The following HERC1 variants were observed in gnomAD, a reference collection of about 807,000 sequenced individuals.
The protein encoded by HERC1 is HECT and RLD domain containing E3 ubiquitin protein ligase family member 1.
In HERC1, 160 loss-of-function variants were observed where a neutral mutation model predicts 554.3. The ratio of observed to expected loss-of-function variants is 0.29; its 90% CI spans 0.25 to 0.33. The LOEUF is 0.33. HERC1 is among the 10% of genes least tolerant of loss of function. The pLI is 1.00. For synonymous variants in HERC1, 2,175 were observed against 2,131.7 expected (o/e 1.02, Z -0.56); for missense variants, 4,919 against 5,918.5 (o/e 0.83, Z 5.54).
chr15:63,668,938 A>G (rs2070771849), intron 40 of HERC1, among the ~76,000 whole-genome samples: 1 of 152,234 alleles, frequency 6.6e-6, no homozygotes, highest in Non-Finnish European at 1.5e-5. Flanking sequence ...TAAACAATTT[A>G]TAGAACACTC....
In HERC1 at chr15:63,615,928, C is replaced by A; in HGVS notation, c.13942-8G>T. On this transcript the variant is annotated splice_region_variant and splice_polypyrimidine_tract_variant and intron_variant, in intron 75 of 77. Coordinates refer to ENST00000443617, the MANE Select transcript of HERC1 (RefSeq NM_003922.4). ...AGAATCAAGAGGAATCATCTAGGAA[C>A]AGAAGAAAACAGAATTTTTATTACA... 2.6e-6 allele frequency: 4 copies of A among 1,567,034 alleles called. No individual in the cohort carries two copies. The highest frequency in any genetic ancestry group is 3.4e-6 in the Non-Finnish European group (4 of 1,160,958).
intron 70 of HERC1, among the ~76,000 whole-genome samples, chr15:63,627,966 G>A (rs1211674562): frequency 6.6e-6 from 1 of 152,240 alleles, no homozygotes; most frequent in African/African-American, 2.4e-5. Flanking sequence ...GTTGACTGCT[G>A]TGCCAATGCA....
chr15:63,733,714 T>C (rs896806959), intron 13 of HERC1, among the ~76,000 whole-genome samples: 1 of 151,956 alleles, frequency 6.6e-6, no homozygotes, highest in Non-Finnish European at 1.5e-5. Context: ...TAGCTGAGCA[T>C]GGTGGTGCAT....
intron 69 of HERC1, among the ~76,000 whole-genome samples, chr15:63,629,453 A>T (rs2068450957): frequency 6.6e-6 from 1 of 152,228 alleles, no homozygotes; most frequent in Non-Finnish European, 1.5e-5. Context: ...GCTTTTACTT[A>T]AAACACACTG....
intron 44 of HERC1, among the ~76,000 whole-genome samples, chr15:63,662,484 A>G (rs1159514210): frequency 6.6e-6 from 1 of 152,230 alleles, no homozygotes; most frequent in Non-Finnish European, 1.5e-5. Flanking sequence ...TACTACAAAA[A>G]TGTAATGCTA....
chr15:63,791,012 T>C lies in HERC1; in HGVS notation c.-26-15363A>G, dbSNP rs151255311. 7.4e-3 allele frequency among the ~76,000 whole-genome samples: 1,122 copies of C among 152,302 alleles called. 14 individuals are homozygous for C. Among genetic ancestry groups the C allele is most frequent in the African/African-American group, 0.026 (1,080 of 41,552 alleles). The stretch of plus-strand genomic sequence containing the variant: ...ACAACAAAAAATCCTAAAAAAGTTT[T>C]TCAAAGGGTTGACTGTATCTATCAC... On this transcript the variant is annotated intron_variant, in intron 1 of 77. Coordinates refer to ENST00000443617, the MANE Select transcript of HERC1 (RefSeq NM_003922.4).
At chr15:63,620,723 G>A (rs1054338853) in intron 74 of HERC1, among the ~76,000 whole-genome samples, 2 of 152,114 alleles carry the variant, frequency 1.3e-5, no homozygotes, top group Admixed American at 6.5e-5. Context: ...TCTTCTTGTT[G>A]AATTGATCCC....
intron 54 of HERC1, 35 bp downstream of exon 54, chr15:63,649,689 AG>A (rs1433971179): frequency 1.9e-6 from 3 of 1,546,432 alleles, no homozygotes; most frequent in Non-Finnish European, 2.7e-6. Context: ...AGGAAGTTGG[AG>A]ACTCCGTCAG....
At chr15:63,675,281 A>T (rs1326597981) in intron 37 of HERC1, 164 bp from the exon 38 acceptor site, 9 of 544,988 alleles carry the variant, frequency 1.7e-5, no homozygotes, top group Non-Finnish European at 2.7e-5. Context: ...AAACGAGTCT[A>T]TTATGAGAAA....
Position 63,680,808 on chromosome 15 carries a change from CAA to C in HERC1, c.6226-34_6226-33del. The C allele has an allele frequency of 6.7e-7, 1 of 1,496,080 alleles. No individual in the cohort carries two copies. The highest frequency in any genetic ancestry group is 9.3e-7 in the Non-Finnish European group (1 of 1,074,606). 92.7% of individuals were successfully genotyped at this position (1,496,080 alleles called of 1,614,324 possible). ...TAAAAGTGGGATATTCATTAATACT[CAA>C]AAAATCTATTTATATACTATTAACT... On this transcript the variant is annotated intron_variant, in intron 34 of 77. Transcript: ENST00000443617. The surrounding 1 kb of genome is among the most constrained non-coding windows in gnomAD (Gnocchi z 5.8).
rs1467783097 is a variant in HERC1 at position 63,755,257 on chromosome 15, T to C, written c.1602A>G (p.Thr534=). 2 of 1,613,362 alleles carry C rather than the reference T, an allele frequency of 1.2e-6. No individual in the cohort carries two copies. The highest frequency in any genetic ancestry group is 8.5e-7 in the Non-Finnish European group (1 of 1,179,432). The change falls in exon 6 of 78, where the codon ACA becomes ACG. Residue 534 remains threonine (T), a synonymous_variant. Coordinates refer to ENST00000443617, the MANE Select transcript of HERC1 (RefSeq NM_003922.4). ...ATCTTCCAAAGTCTCCTTCACCCCATGTGTATAATTCCCCATCCTCTGTGA... is the reference window on the plus strand; with the variant it reads ...ATCTTCCAAAGTCTCCTTCACCCCACGTGTATAATTCCCCATCCTCTGTGA... The part of the protein sequence containing the change: ...AAVTEDGELY[T]WGEGDFGRLG...
chr15:63,630,597 G>C lies in HERC1; in HGVS notation c.12835C>G (p.His4279Asp). ...ACAGGGATTTGTTGCGGTCGATTGT[G>C]ATTGCGAGCACGCCCCTCTGGCAAG... ...IGLPEGRARN[H>D]NRPQQIPVLA... The change falls in exon 69 of 78, where the codon CAC becomes GAC. Residue 4279 changes from histidine (H) to aspartate (D), a missense_variant. His to Asp is a moderately conservative substitution (Grantham distance 81). Around this residue, in one of 11 missense-constraint regions of HERC1, gnomAD observed 410 missense variants for 467.0 expected, o/e 0.88. Coordinates refer to ENST00000443617, the MANE Select transcript of HERC1 (RefSeq NM_003922.4). 3 of 1,613,316 alleles carry C rather than the reference G, an allele frequency of 1.9e-6. No homozygotes were observed. Among genetic ancestry groups the C allele is most frequent in the Non-Finnish European group, 2.5e-6 (3 of 1,179,654 alleles).
chr15:63,627,338 C>A (rs1168713917), intron 70 of HERC1, among the ~76,000 whole-genome samples: 1 of 152,068 alleles, frequency 6.6e-6, no homozygotes, highest in Non-Finnish European at 1.5e-5. Flanking sequence ...ATTCTAGTGC[C>A]TTAGACACCA....
chr15:63,706,431 T>C (rs1004413614), intron 25 of HERC1, among the ~76,000 whole-genome samples: 1 of 152,150 alleles, frequency 6.6e-6, no homozygotes, highest in Admixed American at 6.5e-5. Flanking sequence ...AGCTAAAACA[T>C]GGAAAATTTT....
intron 1 of HERC1, among the ~76,000 whole-genome samples, chr15:63,794,395 A>G (rs2076747541): frequency 6.6e-6 from 1 of 152,096 alleles, no homozygotes; most frequent in East Asian, 1.9e-4. Flanking sequence ...ATTACTAGCT[A>G]TTACTGGTTG....
chr15:63,751,061 G>A (rs1006968149), intron 8 of HERC1, among the ~76,000 whole-genome samples: 1 of 152,124 alleles, frequency 6.6e-6, no homozygotes. Flanking sequence ...TAAAGATAAC[G>A]ACAGTGAAAT....
chr15:63,805,813 C>T (rs141363085), intron 1 of HERC1, among the ~76,000 whole-genome samples: 59 of 151,886 alleles, frequency 3.9e-4, no homozygotes, highest in African/African-American at 1.3e-3. Context: ...TATAGTGGTA[C>T]GCTTCTGTGG....
chr15:63,643,513 T>TA lies in HERC1; in HGVS notation c.11221dup (p.Tyr3741LeufsTer16). 6.2e-7 allele frequency: 1 copy of TA among 1,608,488 alleles called. No homozygotes were observed. The highest frequency in any genetic ancestry group is 8.5e-7 in the Non-Finnish European group (1 of 1,176,938). On this transcript the variant is annotated frameshift_variant, in exon 58 of 78. Coordinates refer to ENST00000443617, the MANE Select transcript of HERC1 (RefSeq NM_003922.4). LOFTEE classifies it high-confidence loss of function. Reference sequence around the variant, plus strand: ...AGGAGTGATGTGTCCCCGCAGCTGATAAACACACTTGGCTCCTGATGATTT... The same window carrying TA: ...AGGAGTGATGTGTCCCCGCAGCTGATAAAACACACTTGGCTCCTGATGATTT...
intron 1 of HERC1, among the ~76,000 whole-genome samples, chr15:63,806,199 T>C (rs1453994887): frequency 6.6e-6 from 1 of 151,432 alleles, no homozygotes; most frequent in Non-Finnish European, 1.5e-5. Context: ...AGGGTCTTGC[T>C]CTGTTGCCCA....
Sources: allele counts gnomAD v4.1 joint callset (sites outside exome capture counted in the v4.1 genomes callset), GRCh38; gene constraint gnomAD v4.1.1; regional missense constraint gnomAD v4.1.1; non-coding constraint Gnocchi (gnomAD v3.1); transcripts MANE v1.5; gene names NCBI Gene and HGNC (gene_info 2026-07-23, HGNC 2026-07-21).